The following DOCK2 variants were observed in gnomAD, a reference collection of about 807,000 sequenced individuals.
DOCK2 encodes dedicator of cytokinesis 2.
Under a neutral mutation model 248.9 loss-of-function variants are expected in DOCK2, and 87 were observed. The ratio of observed to expected loss-of-function variants is 0.35; its 90% CI spans 0.29 to 0.42. DOCK2 has a LOEUF of 0.42. Among genes scored for constraint, DOCK2 ranks in the 10% least tolerant of loss-of-function variants. The pLI is 1.00. For synonymous variants in DOCK2, 805 were observed against 821.6 expected, an observed-to-expected ratio of 0.98 and a Z score of 0.35; for missense variants, 1,747 against 2,300.2, an observed-to-expected ratio of 0.76 and a Z score of 4.92.
chr5:169,870,722 T>C (rs560738202), intron 27 of DOCK2, among the ~76,000 whole-genome samples: 26 of 152,272 alleles, frequency 1.7e-4, no homozygotes, highest in African/African-American at 5.8e-4. Context: ...CATTTAGCAT[T>C]AGGTCTGTGT....
At chr5:169,682,145 G>GGC (rs1202709851) in intron 7 of DOCK2, among the ~76,000 whole-genome samples, 1 of 152,228 alleles carries the variant, frequency 6.6e-6, no homozygotes, top group African/African-American at 2.4e-5. Context: ...AAAGAAGAAA[G>GGC]GCGATAACAA....
At chr5:169,875,124 T>A (rs942626477) in intron 27 of DOCK2, 1 of 446,352 alleles carries the variant, frequency 2.2e-6, no homozygotes, top group Non-Finnish European at 4.5e-6. Context: ...ATTCATGGGC[T>A]GGTTGTCACA....
intron 27 of DOCK2, among the ~76,000 whole-genome samples, chr5:169,973,673 G>A (rs1274623763): frequency 6.6e-6 from 1 of 152,142 alleles, no homozygotes; most frequent in Non-Finnish European, 1.5e-5. Flanking sequence ...CCCAGTATGC[G>A]GTATTGGTAC....
intron 2 of DOCK2, among the ~76,000 whole-genome samples, chr5:169,654,908 A>G (rs1038495647): frequency 2.0e-5 from 3 of 152,256 alleles, no homozygotes; most frequent in Non-Finnish European, 2.9e-5. Context: ...CACCCAGCCC[A>G]GGGAGCAGGA....
chr5:169,989,646 G>A (rs1480542467), intron 29 of DOCK2, among the ~76,000 whole-genome samples: 3 of 152,100 alleles, frequency 2.0e-5, no homozygotes, highest in Non-Finnish European at 4.4e-5. Flanking sequence ...GGCAGAACAG[G>A]GCAGTTAGGA....
intron 13 of DOCK2, among the ~76,000 whole-genome samples, chr5:169,701,720 G>C (rs1760981804): frequency 6.6e-6 from 1 of 152,068 alleles, no homozygotes; most frequent in South Asian, 2.1e-4. Flanking sequence ...GTTTTGCCAT[G>C]TTTCCCAGGC....
Position 169,860,831 on chromosome 5 carries a change from A to C in DOCK2, c.2799+19979A>C, listed in dbSNP as rs182530597. On this transcript the variant is annotated intron_variant, in intron 27 of 51. Transcript: ENST00000520908. The stretch of plus-strand genomic sequence containing the variant: ...ATTTGCTAATCTCCCATCTTAACAG[A>C]GAGCTGGTCTCAGGCTTAGCAGCCT... Among the ~76,000 whole-genome samples, 43 of 152,380 alleles carry C rather than the reference A, an allele frequency of 2.8e-4. No homozygotes were observed. The East Asian group carries it at 7.7e-3, about 27-fold the overall frequency.
intron 27 of DOCK2, among the ~76,000 whole-genome samples, chr5:169,969,769 C>A (rs1777434162): frequency 6.6e-6 from 1 of 152,192 alleles, no homozygotes; most frequent in South Asian, 2.1e-4. Flanking sequence ...TCCCAGCAGA[C>A]CAAGATGAGT....
intron 2 of DOCK2, among the ~76,000 whole-genome samples, chr5:169,662,481 G>A (rs898762047): frequency 6.6e-6 from 1 of 152,132 alleles, no homozygotes; most frequent in Non-Finnish European, 1.5e-5. Context: ...CTCTTAACCA[G>A]TGTATTAGTC....
At chr5:169,912,817 A>AT (rs1049944099) in intron 27 of DOCK2, among the ~76,000 whole-genome samples, 10 of 150,120 alleles carry the variant, frequency 6.7e-5, no homozygotes, top group African/African-American at 2.0e-4. Context: ...GAGTGTTGAG[A>AT]TTTTTTTTTT....
At chr5:169,773,414 T>C (rs1765206712) in intron 25 of DOCK2, among the ~76,000 whole-genome samples, 1 of 152,048 alleles carries the variant, frequency 6.6e-6, no homozygotes, top group Non-Finnish European at 1.5e-5. Flanking sequence ...CGATCACTTC[T>C]TTAATAGCAA....
intron 44 of DOCK2, among the ~76,000 whole-genome samples, chr5:170,065,639 C>T (rs1469155034): frequency 1.3e-5 from 2 of 152,188 alleles, no homozygotes; most frequent in African/African-American, 2.4e-5. Flanking sequence ...GAGCAAGTCC[C>T]ATCTTACGTG....
intron 50 of DOCK2, 190 bp downstream of exon 50, chr5:170,080,473 A>C: frequency 1.2e-6 from 1 of 829,138 alleles, no homozygotes; most frequent in Non-Finnish European, 1.8e-6. Context: ...GGGTGACACC[A>C]TCCCAGCAAG....
chr5:169,794,164 G>A lies in DOCK2; in HGVS notation c.2555-8894G>A, dbSNP rs551029295. 5.3e-5 allele frequency among the ~76,000 whole-genome samples: 8 copies of A among 152,118 alleles called. No individual in the cohort carries two copies. In the East Asian group the frequency reaches 9.7e-4, roughly 18 times the overall value. On this transcript the variant is annotated intron_variant, in intron 25 of 51. Coordinates refer to ENST00000520908, the MANE Select transcript of DOCK2 (RefSeq NM_004946.3). ...CCACCGAAAGCGCAGTCCACCCGCC[G>A]GGTCTGAACATTCCAGGTTCATCAC...
intron 27 of DOCK2, among the ~76,000 whole-genome samples, chr5:169,854,318 T>TG (rs1770783053): frequency 6.6e-6 from 1 of 151,978 alleles, no homozygotes; most frequent in African/African-American, 2.4e-5. Context: ...CCTTAGTAAG[T>TG]GGGATTACAG....
At chr5:170,056,505 C>T in intron 42 of DOCK2, 179 bp from the exon 43 acceptor site, 1 of 536,562 alleles carries the variant, frequency 1.9e-6, no homozygotes, top group Non-Finnish European at 3.3e-6. Flanking sequence ...TCAGGAAAGC[C>T]TGTGCAAAAG....
chr5:169,670,357 A>T (rs1249684618), intron 3 of DOCK2, among the ~76,000 whole-genome samples, 185 bp from the exon 4 acceptor site: 2 of 152,204 alleles, frequency 1.3e-5, no homozygotes, highest in East Asian at 3.9e-4. Flanking sequence ...GGAAAGCCAG[A>T]TCTAAACAAG....
At chr5:169,876,878 C>G (rs181931721) in intron 27 of DOCK2, among the ~76,000 whole-genome samples, 1 of 152,192 alleles carries the variant, frequency 6.6e-6, no homozygotes, top group African/African-American at 2.4e-5. Context: ...AGAGTCATTT[C>G]TTTCTTTAAT....
chr5:169,655,428 A>T (rs1012737172), intron 2 of DOCK2, among the ~76,000 whole-genome samples: 12 of 152,156 alleles, frequency 7.9e-5, no homozygotes. Flanking sequence ...GTCAGGGAGG[A>T]GGCAGGTGTG....
Sources: gnomAD v4.1 joint callset for allele counts (sites outside exome capture counted in the v4.1 genomes callset) on GRCh38, gnomAD v4.1.1 for gene constraint, MANE v1.5 for transcripts, NCBI Gene and HGNC (gene_info 2026-07-23, HGNC 2026-07-21) for gene names.